AFF1: variants seen among roughly 807,000 people sequenced by gnomAD.
The protein encoded by AFF1 is AF4/FMR2 family member 1.
A neutral mutation model predicts 121.7 loss-of-function variants in AFF1; 48 were observed. The ratio of observed to expected loss-of-function variants is 0.39; its 90% confidence interval spans 0.31 to 0.50. The LOEUF (loss-of-function observed/expected upper bound fraction) is 0.50. AFF1 is among the 20% of genes least tolerant of loss of function. AFF1 has a pLI of 0.76. For synonymous variants in AFF1, 613 were observed against 563.0 expected, an observed-to-expected ratio of 1.09 and a Z score of -1.26; for missense variants, 1,523 against 1,511.7, an observed-to-expected ratio of 1.01 and a Z score of -0.12.
At chr4:87,108,494 A>T (rs1726152597) in intron 11 of AFF1, among the ~76,000 whole-genome samples, 179 bp downstream of exon 11, 1 of 152,100 alleles carries the variant, frequency 6.6e-6, no homozygotes, top group African/African-American at 2.4e-5. Flanking sequence ...GCTTCTTACC[A>T]AATATTTAAT....
chr4:87,068,110 T>G (rs1481321939), intron 4 of AFF1, among the ~76,000 whole-genome samples: 1 of 151,946 alleles, frequency 6.6e-6, no homozygotes, highest in Non-Finnish European at 1.5e-5. Context: ...GATCATTTGT[T>G]TTGAAATACA....
In AFF1 at chr4:87,105,314, C is replaced by T. The variant is rs530923743; in HGVS notation, c.1284-314C>T. On this transcript the variant is annotated intron_variant, in intron 8 of 20. Transcript: ENST00000395146. Reference sequence around the variant, plus strand: ...AGTGAAGGACTTTAGTCTCAGGGCTCGCAACGAATCCTTGTCTTGTGGTAG... The same window carrying T: ...AGTGAAGGACTTTAGTCTCAGGGCTTGCAACGAATCCTTGTCTTGTGGTAG... Among the ~76,000 whole-genome samples the T allele has an allele frequency of 1.7e-4, 26 of 152,224 alleles. 1 individual carries two copies. The South Asian group carries it at 5.2e-3, about 30-fold the overall frequency.
Position 87,138,798 on chromosome 4 carries a change from G to A in AFF1, c.*3097G>A. 1 of 229,470 alleles carries A rather than the reference G, an allele frequency of 4.4e-6. No homozygotes were observed. The highest frequency in any genetic ancestry group is 8.6e-6 in the Non-Finnish European group (1 of 115,754). 14.2% of individuals were successfully genotyped at this position (229,470 alleles called of 1,614,324 possible). On this transcript the variant is annotated 3_prime_UTR_variant, in exon 21 of 21. Coordinates refer to ENST00000395146, the MANE Select transcript of AFF1 (RefSeq NM_001166693.3). ...TTATGATTTGATTACAATACTGAAT[G>A]GGAAAAGTATCTAATATTTTGTAAC...
intron 2 of AFF1, among the ~76,000 whole-genome samples, chr4:87,011,078 CAAAAAAAA>C (rs10715968): frequency 1.1e-3 from 76 of 70,784 alleles, no homozygotes; most frequent in African/African-American, 3.1e-3. Context: ...GACTCCGTCT[CAAAAAAAA>C]AAAAAAAAAA....
intron 2 of AFF1, among the ~76,000 whole-genome samples, chr4:87,009,142 C>G (rs1465948565): frequency 6.6e-6 from 1 of 152,216 alleles, no homozygotes; most frequent in African/African-American, 2.4e-5. Context: ...GTGTGCCAGG[C>G]ACAGCATTAA....
At position 87,047,015 on chromosome 4, in the gene AFF1, A is replaced by G. The variant is rs1560571723; in HGVS notation, c.480A>G (p.Pro160=). The G allele has an allele frequency of 6.2e-7, 1 of 1,614,100 alleles. No individual in the cohort carries two copies. The part of the protein sequence containing the change: ...MPSLHAKSCG[P]PDSQHLTQDR... ...GTCTCCATGCCAAAAGCTGCGGCCC[A>G]CCGGACAGCCAGCACCTGACCCAGG... Residue 160 remains proline, a synonymous_variant, in exon 4 of 21, where the codon CCA becomes CCG. Transcript: ENST00000395146.
chr4:86,967,879 A>G (rs1236346993), intron 2 of AFF1, among the ~76,000 whole-genome samples: 2 of 152,326 alleles, frequency 1.3e-5, no homozygotes, highest in Admixed American at 6.5e-5. Context: ...TCATTGGGGA[A>G]GGTCTGGGCT....
chr4:87,053,519 T>A (rs1266030746), intron 4 of AFF1, among the ~76,000 whole-genome samples: 1 of 152,218 alleles, frequency 6.6e-6, no homozygotes, highest in African/African-American at 2.4e-5. Flanking sequence ...AAGAGGGACT[T>A]CCCTATTATG....
intron 2 of AFF1, among the ~76,000 whole-genome samples, chr4:86,983,720 C>CA (rs113012679): frequency 0.1 from 12,320 of 118,100 alleles, 1,122 homozygotes; most frequent in African/African-American, 0.28. Flanking sequence ...AATGAAAAAC[C>CA]AAAAAAAAAA....
intron 2 of AFF1, among the ~76,000 whole-genome samples, chr4:87,036,591 C>T (rs956111414): frequency 1.3e-5 from 2 of 152,104 alleles, no homozygotes; most frequent in African/African-American, 4.8e-5. Context: ...CTATGTATGT[C>T]CAACCACACA....
intron 8 of AFF1, among the ~76,000 whole-genome samples, chr4:87,099,845 T>A (rs1351440990): frequency 6.6e-6 from 1 of 152,148 alleles, no homozygotes; most frequent in East Asian, 1.9e-4. Flanking sequence ...TGAGAGGAAT[T>A]CTTTGGATAG....
chr4:86,981,256 C>T (rs957137008), intron 2 of AFF1, among the ~76,000 whole-genome samples: 1 of 152,156 alleles, frequency 6.6e-6, no homozygotes, highest in East Asian at 1.9e-4. Context: ...TCGTGATCTG[C>T]CTGCCTCAGC....
intron 4 of AFF1, among the ~76,000 whole-genome samples, chr4:87,061,383 G>A (rs1284885558): frequency 6.6e-6 from 1 of 152,178 alleles, no homozygotes; most frequent in African/African-American, 2.4e-5. Flanking sequence ...GCCATGTTTA[G>A]CACAACAGGA....
At position 87,105,273 on chromosome 4, in the gene AFF1, G is replaced by T. The variant is rs186123584; in HGVS notation, c.1284-355G>T. On this transcript the variant is annotated intron_variant, in intron 8 of 20. Transcript: ENST00000395146. ...CATTTGTTTTGTTTGCATGGACCCT[G>T]ACTTCACTGATTAGGAGTGAAGGAC... Among the ~76,000 whole-genome samples, 75 of 152,296 alleles carry T rather than the reference G, an allele frequency of 4.9e-4. 1 individual carries two copies. The highest frequency in any genetic ancestry group is 9.6e-4 in the Non-Finnish European group (65 of 68,028).
intron 2 of AFF1, among the ~76,000 whole-genome samples, chr4:87,008,958 C>G (rs201133932): frequency 6.7e-6 from 1 of 150,336 alleles, no homozygotes; most frequent in East Asian, 2.0e-4. Context: ...CTACAGAGGT[C>G]CATGGCAGAA....
intron 2 of AFF1, among the ~76,000 whole-genome samples, chr4:86,982,726 T>G (rs1723856719): frequency 6.6e-6 from 1 of 151,470 alleles, no homozygotes; most frequent in African/African-American, 2.4e-5. Flanking sequence ...CAGGTCTCTG[T>G]AATCCCAGCT....
chr4:86,991,302 G>A (rs55879154), intron 2 of AFF1, among the ~76,000 whole-genome samples: 31,819 of 151,652 alleles, frequency 0.21, 3,490 homozygotes, highest in East Asian at 0.33. Context: ...AAAATTAGCC[G>A]GGCTTGGTGG....
intron 2 of AFF1, among the ~76,000 whole-genome samples, chr4:86,966,902 G>A (rs1447994): frequency 0.76 from 115,307 of 152,010 alleles, 44,366 homozygotes; most frequent in South Asian, 0.83. Flanking sequence ...TTAGTGTGGT[G>A]TTCAAGCCCT....
chr4:87,114,890 C>T lies in AFF1; in HGVS notation c.2057C>T (p.Pro686Leu). Reference sequence around the variant, plus strand: ...AAGCACAAGAGCTCCCTCCCTGCCCCCTCTAAGGCTCTCTCAGGCCCAGAA... The same window carrying T: ...AAGCACAAGAGCTCCCTCCCTGCCCTCTCTAAGGCTCTCTCAGGCCCAGAA... ...KKKHKSSLPA[P>L]SKALSGPEPA... Residue 686 changes from proline (P) to leucine (L), a missense_variant, in exon 12 of 21, where the codon CCC becomes CTC. Physicochemically the swap from Pro to Leu is moderately conservative, Grantham distance 98. This residue lies in a region of AFF1 where 905 missense variants were observed against 842.5 expected (regional missense o/e 1.07). Coordinates refer to ENST00000395146, the MANE Select transcript of AFF1 (RefSeq NM_001166693.3). 1 of 1,612,890 alleles carries T rather than the reference C, an allele frequency of 6.2e-7. No individual in the cohort carries two copies. The highest frequency in any genetic ancestry group is 1.3e-5 in the African/African-American group (1 of 74,984).
Sources: gnomAD v4.1 joint callset for allele counts (sites outside exome capture counted in the v4.1 genomes callset) on GRCh38, gnomAD v4.1.1 for gene constraint, gnomAD v4.1.1 regional missense constraint, MANE v1.5 for transcripts, NCBI Gene and HGNC (gene_info 2026-07-23, HGNC 2026-07-21) for gene names.